Variants in LRP11 observed in about 807,000 individuals in gnomAD.
LRP11 encodes LDL receptor related protein 11.
A neutral mutation model predicts 43.1 loss-of-function variants in LRP11; 25 were observed. The ratio of observed to expected loss-of-function variants is 0.58; its 90% CI spans 0.42 to 0.81. The LOEUF is 0.81. Ranked by LOEUF, LRP11 falls within the 30% of genes least tolerant of loss-of-function variation. The pLI is 0.00. For missense variants in LRP11, 623 were observed against 665.1 expected, an observed-to-expected ratio of 0.94 and a Z score of 0.70; for synonymous variants, 316 against 299.4, an observed-to-expected ratio of 1.06 and a Z score of -0.57.
At chr6:149,842,945 A>AC in intron 3 of LRP11, 38 bp downstream of exon 3, 1 of 1,611,954 alleles carries the variant, frequency 6.2e-7, no homozygotes, top group South Asian at 1.1e-5. Flanking sequence ...ATTGCCTTCC[A>AC]CAAGCAGTGG....
At position 149,819,003 on chromosome 6, in the gene LRP11, T is replaced by C. The variant is rs980256874; in HGVS notation, c.*1546A>G. 6.6e-6 allele frequency: 1 copy of C among 152,604 alleles called. No homozygotes were observed. Among genetic ancestry groups the C allele is most frequent in the African/African-American group, 2.4e-5 (1 of 41,450 alleles). 9.5% of individuals were successfully genotyped at this position (152,604 alleles called of 1,614,324 possible). A position where few individuals can be genotyped will look rare whatever the true frequency, so the allele number is the denominator to read the frequency against. Reference sequence around the variant, plus strand: ...AAAACAAACTGCACAGCATCACATATAGAGTACAGACATCTTAAGTTCATT... The same window carrying C: ...AAAACAAACTGCACAGCATCACATACAGAGTACAGACATCTTAAGTTCATT... On this transcript the variant is annotated 3_prime_UTR_variant, in exon 7 of 7. Transcript: ENST00000239367.
At chr6:149,831,995 C>T (rs1377995243) in intron 5 of LRP11, among the ~76,000 whole-genome samples, 7 of 152,082 alleles carry the variant, frequency 4.6e-5, no homozygotes, top group Non-Finnish European at 1.0e-4. Flanking sequence ...AGAAACTGGC[C>T]TCTGGAAGGA....
chr6:149,859,123 T>C (rs2880436), intron 1 of LRP11, among the ~76,000 whole-genome samples: 49,821 of 151,562 alleles, frequency 0.33, 9,564 homozygotes, highest in East Asian at 0.82. Context: ...CTGCCACATA[T>C]TTCCCAACTG....
In LRP11 at chr6:149,863,520, C is replaced by T. The variant is rs1454329380; in HGVS notation, c.501G>A (p.Ala167=). Residue 167 remains alanine (A), a synonymous_variant, in exon 1 of 7, where the codon GCG becomes GCA. Transcript: ENST00000239367. The part of the protein sequence containing the change: ...VLGCYLFNCT[A]RGRNVCKFAL... Reference sequence around the variant, plus strand: ...CGAACTTGCAGACGTTGCGGCCGCGCGCCGTGCAGTTGAAGAGGTAGCAGC... The same window carrying T: ...CGAACTTGCAGACGTTGCGGCCGCGTGCCGTGCAGTTGAAGAGGTAGCAGC... 1.5e-6 allele frequency: 2 copies of T among 1,348,686 alleles called. No individual in the cohort carries two copies. The highest frequency in any genetic ancestry group is 3.1e-5 in the East Asian group (1 of 32,132). The allele number at this position is 1,348,686 out of a possible 1,614,324, so 83.5% of individuals were successfully genotyped here.
intron 3 of LRP11, among the ~76,000 whole-genome samples, chr6:149,840,251 T>C (rs1356568246): frequency 2.0e-5 from 3 of 152,214 alleles, no homozygotes; most frequent in Admixed American, 1.3e-4. Context: ...TATTTTCCAA[T>C]GTCTCTCTGT....
At chr6:149,847,250 C>T (rs1290347823) in intron 2 of LRP11, among the ~76,000 whole-genome samples, 1 of 152,214 alleles carries the variant, frequency 6.6e-6, no homozygotes, top group Non-Finnish European at 1.5e-5. Flanking sequence ...CATCCTCACA[C>T]CTGGCCTTGG....
intron 3 of LRP11, chr6:149,842,690 C>T (rs1234853917): frequency 6.4e-7 from 1 of 1,550,856 alleles, no homozygotes; most frequent in Admixed American, 2.0e-5. Context: ...TAAACAAAGT[C>T]CTCTCCCAGA....
At chr6:149,861,001 A>C (rs1395663568) in intron 1 of LRP11, among the ~76,000 whole-genome samples, 1 of 152,134 alleles carries the variant, frequency 6.6e-6, no homozygotes, top group Non-Finnish European at 1.5e-5. Flanking sequence ...AAAGTCAACA[A>C]ATGTGGGCAT....
chr6:149,842,827 G>A (rs1302103891), intron 3 of LRP11, among the ~76,000 whole-genome samples, 156 bp downstream of exon 3: 1 of 152,160 alleles, frequency 6.6e-6, no homozygotes, highest in Non-Finnish European at 1.5e-5. Flanking sequence ...AAGAGAGCCT[G>A]CTTTTGTTAT....
At chr6:149,862,577 C>CCTTTTTTTTTT (rs57368910) in intron 1 of LRP11, among the ~76,000 whole-genome samples, 1 of 126,206 alleles carries the variant, frequency 7.9e-6, no homozygotes. Flanking sequence ...TTTTCTTTTC[C>CCTTTTTTTTTT]TTTTTTTTTT....
In LRP11 at chr6:149,863,863, G is replaced by A. The variant is rs1162592526; in HGVS notation, c.158C>T (p.Ser53Leu). ...CTCCTCCAGCAGCTGCTCCACGCCC[G>A]ACAGCTGCGCGTGCAGTTCGGACAG... ...APLSELHAQL[S>L]GVEQLLEEFR... The change falls in exon 1 of 7, where the codon TCG becomes TTG. Residue 53 changes from serine (S) to leucine (L), a missense_variant. Coordinates refer to ENST00000239367, the MANE Select transcript of LRP11 (RefSeq NM_032832.6). The A allele has an allele frequency of 6.6e-6, 10 of 1,507,650 alleles. No homozygotes were observed. Among genetic ancestry groups the A allele is most frequent in the Admixed American group, 2.0e-5 (1 of 49,208 alleles). The allele number at this position is 1,507,650 out of a possible 1,614,324, so 93.4% of individuals were successfully genotyped here.
chr6:149,853,111 A>C lies in LRP11; in HGVS notation c.663T>G (p.His221Gln). 6.2e-7 allele frequency: 1 copy of C among 1,612,106 alleles called. No homozygotes were observed. Among genetic ancestry groups the C allele is most frequent in the Non-Finnish European group, 8.5e-7 (1 of 1,179,032 alleles). ...CTAGAACCACCCCGTCTGTGGGCAGATGCAGAACCACATCCTGCCCAGCCT... is the reference window on the plus strand; with the variant it reads ...CTAGAACCACCCCGTCTGTGGGCAGCTGCAGAACCACATCCTGCCCAGCCT... ...LSKAGQDVVL[H>Q]LPTDGVVLDG... The change falls in exon 2 of 7, where the codon CAT becomes CAG. Residue 221 changes from histidine to glutamine, a missense_variant. Physicochemically the swap from His to Gln is conservative, Grantham distance 24. Transcript: ENST00000239367.
At chr6:149,838,409 G>A (rs558253728) in intron 3 of LRP11, among the ~76,000 whole-genome samples, 30 of 152,072 alleles carry the variant, frequency 2.0e-4, no homozygotes, top group African/African-American at 7.2e-4. Flanking sequence ...ACATTGGCCA[G>A]GCGTGGTGGC....
chr6:149,837,823 T>G (rs891917618), intron 3 of LRP11, among the ~76,000 whole-genome samples: 1 of 152,146 alleles, frequency 6.6e-6, no homozygotes, highest in Non-Finnish European at 1.5e-5. Flanking sequence ...TTGGAACCTC[T>G]TCTTCTGGCT....
Position 149,863,902 on chromosome 6 carries a change from G to C in LRP11, c.119C>G (p.Pro40Arg). 1 of 1,487,370 alleles carries C rather than the reference G, an allele frequency of 6.7e-7. No homozygotes were observed. Among genetic ancestry groups the C allele is most frequent in the Non-Finnish European group, 8.9e-7 (1 of 1,126,660 alleles). 92.1% of individuals were successfully genotyped at this position (1,487,370 alleles called of 1,614,324 possible). A position where few individuals can be genotyped will look rare whatever the true frequency, so the allele number is the denominator to read the frequency against. ...CAGTTCGGACAGCGGCGCCGCGGGCGGCAAGGCCGCACGGCCGCTTGGCAG... is the reference window on the plus strand; with the variant it reads ...CAGTTCGGACAGCGGCGCCGCGGGCCGCAAGGCCGCACGGCCGCTTGGCAG... ...LWLPSGRAAL[P>R]PAAPLSELHA... The change falls in exon 1 of 7, where the codon CCG (proline) becomes CGG (arginine). Residue 40 changes from proline to arginine, a missense_variant. Transcript: ENST00000239367.
At chr6:149,842,929 C>A in intron 3 of LRP11, 54 bp downstream of exon 3, 1 of 1,606,716 alleles carries the variant, frequency 6.2e-7, no homozygotes, top group South Asian at 1.1e-5. Context: ...AAAGCGCCAA[C>A]CCGACATTGC....
rs1310066973 is a variant in LRP11, at chr6:149,863,564, G to A, written c.457C>T (p.Pro153Ser). 3.6e-6 allele frequency: 5 copies of A among 1,379,890 alleles called. No individual in the cohort carries two copies. Among genetic ancestry groups the A allele is most frequent in the African/African-American group, 3.0e-5 (2 of 65,638 alleles). The allele number at this position is 1,379,890 out of a possible 1,614,324, so 85.5% of individuals were successfully genotyped here. A position where few individuals can be genotyped will look rare whatever the true frequency, so the allele number is the denominator to read the frequency against. Residue 153 changes from proline (P) to serine (S), a missense_variant, in exon 1 of 7, where the codon CCC becomes TCC. Transcript: ENST00000239367. ...AVVELPRRPAPPAAVLGCYLF... is the reference protein window; with the variant it reads ...AVVELPRRPASPAAVLGCYLF... ...TAGCAGCCGAGCACGGCTGCCGGGG[G>A]CGCGGGGCGCCGGGGCAGCTCCACC... is the stretch of plus-strand genomic sequence containing the variant.
rs1179374188 is a variant in LRP11, at chr6:149,846,936, TATAAA to T, written c.772-3817_772-3813del. Among the ~76,000 whole-genome samples the T allele has an allele frequency of 3.7e-3, 511 of 138,098 alleles. 2 individuals are homozygous for T. Among genetic ancestry groups the T allele is most frequent in the African/African-American group, 0.011 (424 of 37,284 alleles). The allele number at this position is 138,098 out of a possible 152,430, so 90.6% of individuals were successfully genotyped here. On this transcript the variant is annotated intron_variant, in intron 2 of 6. Coordinates refer to ENST00000239367, the MANE Select transcript of LRP11 (RefSeq NM_032832.6). ...GTGACAGAGCGAGATCCTATCTCAA[TATAAA>T]ATAAAATAAAATAATAGAATAGAAT...
chr6:149,844,044 G>A (rs1776591664), intron 2 of LRP11, among the ~76,000 whole-genome samples: 1 of 152,178 alleles, frequency 6.6e-6, no homozygotes, highest in Non-Finnish European at 1.5e-5. Flanking sequence ...GATGAGGTCA[G>A]GAGATGGAGA....
Sources: gnomAD v4.1 joint callset for allele counts (sites outside exome capture counted in the v4.1 genomes callset) on GRCh38, gnomAD v4.1.1 for gene constraint, MANE v1.5 for transcripts, NCBI Gene and HGNC (gene_info 2026-07-23, HGNC 2026-07-21) for gene names.